Variants in SLC10A7 observed in about 807,000 individuals in gnomAD.
SLC10A7 encodes the protein solute carrier family 10 member 7, also known as sodium/bile acid cotransporter 7.
Under a neutral mutation model 43.2 loss-of-function variants are expected in SLC10A7, and 29 were observed. The ratio of observed to expected loss-of-function variants is 0.67; its 90% CI spans 0.50 to 0.92. The LOEUF (loss-of-function observed/expected upper bound fraction) is 0.92, where lower values mean the gene tolerates loss of function less well. Among genes scored for constraint, SLC10A7 ranks in the 40% least tolerant of loss-of-function variants. SLC10A7 has a pLI of 0.00. For synonymous variants in SLC10A7, 152 were observed against 144.8 expected, an observed-to-expected ratio of 1.05 and a Z score of -0.35; for missense variants, 295 against 403.2, an observed-to-expected ratio of 0.73 and a Z score of 2.30.
chr4:146,388,886 G>T (rs1234258874), intron 5 of SLC10A7, among the ~76,000 whole-genome samples: 2 of 151,876 alleles, frequency 1.3e-5, no homozygotes, highest in African/African-American at 2.4e-5. Context: ...AACAAAAATA[G>T]ACTAATGGGA....
At chr4:146,367,670 C>T (rs115344018) in intron 5 of SLC10A7, among the ~76,000 whole-genome samples, 2,269 of 151,952 alleles carry the variant, frequency 0.015, 33 homozygotes, top group Middle Eastern at 0.034. Flanking sequence ...TGAGATCTCC[C>T]GAGAATTAAA....
intron 5 of SLC10A7, among the ~76,000 whole-genome samples, chr4:146,421,863 T>C (rs1728989700): frequency 6.6e-6 from 1 of 152,220 alleles, no homozygotes; most frequent in Non-Finnish European, 1.5e-5. Flanking sequence ...TTCACCAGCA[T>C]CCTTTCCTGA....
chr4:146,313,447 G>A (rs1278173297), intron 6 of SLC10A7, among the ~76,000 whole-genome samples: 1 of 152,060 alleles, frequency 6.6e-6, no homozygotes, highest in Non-Finnish European at 1.5e-5. Flanking sequence ...AGCTTCAAGG[G>A]GAGATTTGTC....
chr4:146,310,621 T>C (rs72729815), intron 6 of SLC10A7, among the ~76,000 whole-genome samples: 3,796 of 152,226 alleles, frequency 0.025, 64 homozygotes, highest in Non-Finnish European at 0.041. Context: ...TTGTATGTCT[T>C]CTTTTGAGAA....
intron 10 of SLC10A7, among the ~76,000 whole-genome samples, chr4:146,280,041 C>T (rs536738824): frequency 1.7e-4 from 26 of 152,094 alleles, no homozygotes; most frequent in Admixed American, 1.4e-3. Context: ...CAAGAGTTTT[C>T]ATGTTTGGTT....
At chr4:146,323,369 G>T (rs925295722) in intron 6 of SLC10A7, among the ~76,000 whole-genome samples, 3 of 152,084 alleles carry the variant, frequency 2.0e-5, no homozygotes, top group African/African-American at 7.2e-5. Context: ...GGTCTAACAT[G>T]TAAGTCTTTA....
At chr4:146,393,126 C>T (rs746479392) in intron 5 of SLC10A7, among the ~76,000 whole-genome samples, 3 of 120,740 alleles carry the variant, frequency 2.5e-5, no homozygotes, top group Non-Finnish European at 3.2e-5. Context: ...CAGGAGGTAG[C>T]GGTTGCAGTG....
intron 4 of SLC10A7, 21 bp downstream of exon 4, chr4:146,503,828 T>C: frequency 6.2e-7 from 1 of 1,609,646 alleles, no homozygotes; most frequent in South Asian, 1.1e-5. Context: ...TATGTTTAAA[T>C]AAGGTAGCCC....
chr4:146,496,461 C>G (rs191778285), intron 4 of SLC10A7, among the ~76,000 whole-genome samples: 5 of 152,214 alleles, frequency 3.3e-5, no homozygotes, highest in East Asian at 3.9e-4. Flanking sequence ...TTCCCCTCCC[C>G]CTAGGTGGAT....
chr4:146,372,315 A>C (rs1041199865), intron 5 of SLC10A7, among the ~76,000 whole-genome samples: 2 of 152,090 alleles, frequency 1.3e-5, no homozygotes, highest in Non-Finnish European at 1.5e-5. Context: ...TCAGCTGGAC[A>C]TGGTGGCATA....
intron 5 of SLC10A7, among the ~76,000 whole-genome samples, chr4:146,373,285 C>T (rs1736920100): frequency 6.6e-6 from 1 of 152,034 alleles, no homozygotes; most frequent in Middle Eastern, 3.4e-3. Flanking sequence ...TCAGCCTGGG[C>T]AACATGGCAA....
chr4:146,432,517 C>A (rs1293084819), intron 5 of SLC10A7, among the ~76,000 whole-genome samples: 2 of 151,768 alleles, frequency 1.3e-5, no homozygotes, highest in Non-Finnish European at 2.9e-5. Flanking sequence ...CCGTGTGATT[C>A]CATTTAGATG....
At chr4:146,298,713 G>T (rs1172208280) in intron 7 of SLC10A7, among the ~76,000 whole-genome samples, 1 of 152,186 alleles carries the variant, frequency 6.6e-6, no homozygotes, top group Non-Finnish European at 1.5e-5. Context: ...TGGAAAAGAA[G>T]AGAAAATGCT....
At chr4:146,494,859 G>A (rs1735750176) in intron 4 of SLC10A7, among the ~76,000 whole-genome samples, 1 of 152,100 alleles carries the variant, frequency 6.6e-6, no homozygotes. Flanking sequence ...ACAATTTGCT[G>A]GGCAACAGGG....
At chr4:146,284,977 A>G (rs1394989794) in intron 9 of SLC10A7, among the ~76,000 whole-genome samples, 1 of 152,224 alleles carries the variant, frequency 6.6e-6, no homozygotes, top group Non-Finnish European at 1.5e-5. Context: ...GATAGAGCAC[A>G]AATAACCTTC....
chr4:146,363,745 G>A (rs941646895), intron 5 of SLC10A7, among the ~76,000 whole-genome samples: 5 of 152,034 alleles, frequency 3.3e-5, no homozygotes, highest in Admixed American at 1.3e-4. Context: ...ATATGCTCCC[G>A]AACAACCACT....
intron 4 of SLC10A7, among the ~76,000 whole-genome samples, chr4:146,469,632 T>G (rs1193114373): frequency 6.6e-6 from 1 of 152,050 alleles, no homozygotes; most frequent in East Asian, 1.9e-4. Flanking sequence ...AACCCAAAGA[T>G]TATTTATTTA....
At chr4:146,468,472 A>ATT (rs1733250814) in intron 4 of SLC10A7, among the ~76,000 whole-genome samples, 2 of 74,588 alleles carry the variant, frequency 2.7e-5, no homozygotes, top group African/African-American at 7.1e-5. Context: ...CTTATATTTT[A>ATT]ATTTTTTTTT....
At chr4:146,435,835 T>C (rs1440255490) in intron 5 of SLC10A7, among the ~76,000 whole-genome samples, 1 of 152,132 alleles carries the variant, frequency 6.6e-6, no homozygotes, top group Non-Finnish European at 1.5e-5. Context: ...TTTACAAACA[T>C]TCTGAACCAG....
Sources: allele counts gnomAD v4.1 joint callset (sites outside exome capture counted in the v4.1 genomes callset), GRCh38; gene constraint gnomAD v4.1.1; transcripts MANE v1.5; gene names NCBI Gene and HGNC (gene_info 2026-07-23, HGNC 2026-07-21).